KIF11: variants seen among roughly 807,000 people sequenced by gnomAD.
KIF11 encodes kinesin-like protein KIF11.
Under a neutral mutation model 121.0 loss-of-function variants are expected in KIF11, and 9 were observed. That is an observed-to-expected ratio of 0.07 (90% CI 0.04 to 0.13). The LOEUF is 0.13. Ranked by LOEUF, KIF11 falls within the 10% of genes least tolerant of loss-of-function variation. KIF11 has a pLI of 1.00. For synonymous variants in KIF11, 408 were observed against 421.0 expected, an observed-to-expected ratio of 0.97 and a Z score of 0.38; for missense variants, 846 against 1,217.5, an observed-to-expected ratio of 0.69 and a Z score of 4.54.
intron 6 of KIF11, among the ~76,000 whole-genome samples, chr10:92,611,754 C>A (rs191679739): frequency 4.5e-4 from 68 of 152,110 alleles, no homozygotes; most frequent in African/African-American, 1.5e-3. Context: ...CAAAAATTAG[C>A]TTGGTGTGGT....
At chr10:92,645,337 A>G in intron 17 of KIF11, 26 bp from the exon 18 acceptor site, 1 of 1,547,512 alleles carries the variant, frequency 6.5e-7, no homozygotes, top group South Asian at 1.2e-5. Flanking sequence ...TCCCCATTTC[A>G]ACAGTGTCAT....
intron 17 of KIF11, among the ~76,000 whole-genome samples, chr10:92,644,609 A>G (rs530394498): frequency 6.6e-6 from 1 of 152,252 alleles, no homozygotes; most frequent in South Asian, 2.1e-4. Context: ...GTGAGCCACT[A>G]TGCCTTGCCC....
rs1345549689 is a variant in KIF11, at chr10:92,631,265, G to A, written c.1494+901G>A. On this transcript the variant is annotated intron_variant, in intron 12 of 21. Transcript: ENST00000260731. ...ACCGAGATCATGCCACTGCACTCCA[G>A]CCTGGGTAACAGAGCAAGACTCTGT... Among the ~76,000 whole-genome samples the A allele has an allele frequency of 2.0e-5, 3 of 147,354 alleles. No homozygotes were observed. The East Asian group carries it at 6.0e-4, about 29-fold the overall frequency.
intron 21 of KIF11, among the ~76,000 whole-genome samples, chr10:92,651,985 AATATAT>A (rs147709522): frequency 7.8e-6 from 1 of 127,904 alleles, no homozygotes; most frequent in South Asian, 2.5e-4. Flanking sequence ...TTTTTTTTTA[AATATAT>A]ATAGAGAGAG....
chr10:92,593,366 G>A lies in KIF11; in HGVS notation c.-10G>A. 3 of 1,604,638 alleles carry A rather than the reference G, an allele frequency of 1.9e-6. No individual in the cohort carries two copies. Among genetic ancestry groups the A allele is most frequent in the Non-Finnish European group, 1.7e-6 (2 of 1,176,348 alleles). ...CGCGGCCGGGCCTTGATTTTTTGGC[G>A]GGGACCGTCATGGCGTCGCAGCCAA... On this transcript the variant is annotated 5_prime_UTR_variant, in exon 1 of 22. Transcript: ENST00000260731.
chr10:92,635,954 C>A (rs1382380159), intron 14 of KIF11, among the ~76,000 whole-genome samples: 1 of 152,194 alleles, frequency 6.6e-6, no homozygotes, highest in African/African-American at 2.4e-5. Context: ...TAATGTATTT[C>A]TGTTATACTT....
chr10:92,600,633 G>T (rs1337000812), intron 1 of KIF11, among the ~76,000 whole-genome samples: 1 of 149,574 alleles, frequency 6.7e-6, no homozygotes, highest in Non-Finnish European at 1.5e-5. Context: ...TCAGCCTCCC[G>T]AGTAGCTGGG....
intron 4 of KIF11, among the ~76,000 whole-genome samples, chr10:92,607,517 G>A (rs2135901341): frequency 6.6e-6 from 1 of 152,300 alleles, no homozygotes; most frequent in Non-Finnish European, 1.5e-5. Context: ...TTGTAGAAAA[G>A]TTGGAATATG....
intron 13 of KIF11, among the ~76,000 whole-genome samples, chr10:92,633,320 C>T (rs1183227349): frequency 6.6e-6 from 1 of 151,506 alleles, no homozygotes; most frequent in Non-Finnish European, 1.5e-5. Flanking sequence ...GTAAACTTAC[C>T]ATAATTCTGT....
At position 92,605,131 on chromosome 10, in the gene KIF11, A is replaced by C. The variant is rs112041853; in HGVS notation, c.78-1134A>C. ...GGAGCAGGTGGGGGAGGCACATAGG[A>C]TAGAAAGGACTTCCTGAGGAAATAA... On this transcript the variant is annotated intron_variant, in intron 1 of 21. Coordinates refer to ENST00000260731, the MANE Select transcript of KIF11 (RefSeq NM_004523.4). Among the ~76,000 whole-genome samples, 266 of 152,298 alleles carry C rather than the reference A, an allele frequency of 1.7e-3. 1 individual carries two copies. The highest frequency in any genetic ancestry group is 3.2e-3 in the Admixed American group (49 of 15,288).
chr10:92,653,010 T>C (rs1490648164), intron 21 of KIF11, among the ~76,000 whole-genome samples: 1 of 152,180 alleles, frequency 6.6e-6, no homozygotes, highest in Non-Finnish European at 1.5e-5. Flanking sequence ...TCCAATGAAA[T>C]AGAACTTCCA....
intron 21 of KIF11, 66 bp downstream of exon 21, chr10:92,650,583 G>T (rs539013160): frequency 4.0e-5 from 37 of 919,806 alleles, no homozygotes; most frequent in Non-Finnish European, 1.8e-6. Flanking sequence ...CATTATAAAG[G>T]TATTGTTCGT....
At chr10:92,630,986 A>C (rs1844732672) in intron 12 of KIF11, among the ~76,000 whole-genome samples, 1 of 150,768 alleles carries the variant, frequency 6.6e-6, no homozygotes, top group Admixed American at 6.6e-5. Flanking sequence ...ATTAGTCATT[A>C]AGAATTTAGT....
At chr10:92,649,100 G>T (rs12358273) in intron 19 of KIF11, among the ~76,000 whole-genome samples, 3,807 of 151,448 alleles carry the variant, frequency 0.025, 84 homozygotes, top group Non-Finnish European at 0.042. Flanking sequence ...TTTATGGTAT[G>T]TAAATTATAT....
chr10:92,603,413 T>G (rs1164628108), intron 1 of KIF11, among the ~76,000 whole-genome samples: 1 of 151,830 alleles, frequency 6.6e-6, no homozygotes, highest in African/African-American at 2.4e-5. Flanking sequence ...CTAATTTTTT[T>G]TTTTTTGAGA....
intron 10 of KIF11, among the ~76,000 whole-genome samples, chr10:92,625,638 C>T (rs1258099071): frequency 2.6e-5 from 4 of 152,038 alleles, no homozygotes; most frequent in East Asian, 1.9e-4. Flanking sequence ...TGTTAGCTAC[C>T]GTGCCCCGCT....
chr10:92,625,274 G>A (rs1274782023), intron 10 of KIF11, among the ~76,000 whole-genome samples: 1 of 151,848 alleles, frequency 6.6e-6, no homozygotes, highest in Admixed American at 6.6e-5. Flanking sequence ...AACAATTAAT[G>A]GTGTTAAACA....
At chr10:92,597,572 T>C (rs530164767) in intron 1 of KIF11, among the ~76,000 whole-genome samples, 2 of 151,798 alleles carry the variant, frequency 1.3e-5, no homozygotes, top group African/African-American at 4.9e-5. Context: ...CAGAGTTCTC[T>C]TTTTTTTACC....
Position 92,606,646 on chromosome 10 carries a change from G to C in KIF11, c.238G>C (p.Asp80His), listed in dbSNP as rs1844433909. 6.3e-7 allele frequency: 1 copy of C among 1,583,182 alleles called. No homozygotes were observed. The highest frequency in any genetic ancestry group is 8.7e-7 in the Non-Finnish European group (1 of 1,153,222). Residue 80 changes from aspartate (D) to histidine (H), a missense_variant, in exon 3 of 22, where the codon GAT (aspartate) becomes CAT (histidine). By Grantham distance (81) the Asp-to-His change is moderately conservative (BLOSUM62 -1). Around this residue, in one of 5 missense-constraint regions of KIF11, gnomAD observed 140 missense variants for 193.5 expected, o/e 0.72. Transcript: ENST00000260731. The stretch of plus-strand genomic sequence containing the variant: ...GTTTGGAGCATCTACTAAACAGATT[G>C]ATGTTTACCGAAGTGTTGTTTGTCC... ...MVFGASTKQI[D>H]VYRSVVCPIL...
Sources: allele counts gnomAD v4.1 joint callset (sites outside exome capture counted in the v4.1 genomes callset), GRCh38; gene constraint gnomAD v4.1.1; regional missense constraint gnomAD v4.1.1; transcripts MANE v1.5; gene names NCBI Gene and HGNC (gene_info 2026-07-23, HGNC 2026-07-21).